Variants in PALM2AKAP2 observed in about 807,000 individuals in gnomAD.
PALM2AKAP2 encodes the protein PALM2-AKAP2 fusion protein.
In PALM2AKAP2, 37 loss-of-function variants were observed where a neutral mutation model predicts 71.5. That is an observed-to-expected ratio of 0.52 (90% confidence interval 0.40 to 0.68). The LOEUF is 0.68. PALM2AKAP2 is among the 30% of genes least tolerant of loss of function. PALM2AKAP2 has a pLI of 0.00. For synonymous variants in PALM2AKAP2, 468 were observed against 478.8 expected, an observed-to-expected ratio of 0.98 and a Z score of 0.29; for missense variants, 1,224 against 1,191.8, an observed-to-expected ratio of 1.03 and a Z score of -0.40.
At chr9:109,857,918 A>G (rs1281642514) in intron 1 of PALM2AKAP2, among the ~76,000 whole-genome samples, 1 of 152,220 alleles carries the variant, frequency 6.6e-6, no homozygotes, top group Admixed American at 6.5e-5. Context: ...TACCACTACC[A>G]TCATTGGGAT....
chr9:110,095,645 A>G (rs1318335811), intron 1 of PALM2AKAP2, among the ~76,000 whole-genome samples: 1 of 152,190 alleles, frequency 6.6e-6, no homozygotes, highest in East Asian at 1.9e-4. Context: ...CAAAGCAAGT[A>G]GGAGACGGGG....
At chr9:110,097,559 G>C (rs564478450) in intron 1 of PALM2AKAP2, among the ~76,000 whole-genome samples, 12 of 150,798 alleles carry the variant, frequency 8.0e-5, no homozygotes, top group Admixed American at 6.6e-4. Flanking sequence ...CATCTCAGGC[G>C]ATGGGTGGCC....
intron 6 of PALM2AKAP2, among the ~76,000 whole-genome samples, chr9:109,960,431 T>G (rs1831832817): frequency 6.6e-6 from 1 of 152,196 alleles, no homozygotes; most frequent in South Asian, 2.1e-4. Context: ...AGTAGTTGAC[T>G]TTCACCCTGA....
intron 7 of PALM2AKAP2, among the ~76,000 whole-genome samples, chr9:110,023,193 C>T (rs929620808): frequency 3.3e-5 from 5 of 151,644 alleles, no homozygotes; most frequent in African/African-American, 1.2e-4. Context: ...ACAGTCCCAC[C>T]AACAGTGTAA....
intron 3 of PALM2AKAP2, among the ~76,000 whole-genome samples, chr9:110,159,473 A>G (rs2119238300): frequency 6.6e-6 from 1 of 152,296 alleles, no homozygotes; most frequent in South Asian, 2.1e-4. Flanking sequence ...GAACACAACC[A>G]TGTGTTTGCC....
At chr9:109,653,009 G>A (rs1300883256) in intron 1 of PALM2AKAP2, among the ~76,000 whole-genome samples, 1 of 152,178 alleles carries the variant, frequency 6.6e-6, no homozygotes, top group East Asian at 1.9e-4. Flanking sequence ...GTTTGGACTA[G>A]TCATCTTACA....
rs529559061 is a variant in PALM2AKAP2 at position 109,652,559 on chromosome 9, T to C, written c.5+11693T>C. On this transcript the variant is annotated intron_variant, in intron 1 of 6. Coordinates refer to the PALM2AKAP2 transcript ENST00000374531. ...TTACCTAGTCTCCAGTATTTCTTTA[T>C]AGCAATGCAAAAACAGACTAATACA... 9.2e-5 allele frequency among the ~76,000 whole-genome samples: 14 copies of C among 152,354 alleles called. No homozygotes were observed. The South Asian group carries it at 2.9e-3, about 32-fold the overall frequency.
chr9:110,000,771 G>A (rs566712246), intron 6 of PALM2AKAP2, among the ~76,000 whole-genome samples: 6 of 152,292 alleles, frequency 3.9e-5, no homozygotes, highest in Middle Eastern at 3.4e-3. Flanking sequence ...CAGTGATGAT[G>A]AGCATTTTTT....
At chr9:110,019,498 C>T (rs527364783) in intron 7 of PALM2AKAP2, among the ~76,000 whole-genome samples, 1 of 152,178 alleles carries the variant, frequency 6.6e-6, no homozygotes, top group African/African-American at 2.4e-5. Flanking sequence ...CACTCACACT[C>T]ATGTTTTCTG....
chr9:110,096,952 ATTTAT>A (rs936065884), intron 1 of PALM2AKAP2, among the ~76,000 whole-genome samples: 13 of 123,414 alleles, frequency 1.1e-4, no homozygotes, highest in African/African-American at 4.2e-4. Flanking sequence ...TTATTTATTT[ATTTAT>A]TTATTATTTT....
intron 1 of PALM2AKAP2, among the ~76,000 whole-genome samples, chr9:110,095,011 G>A (rs1453714055): frequency 1.3e-5 from 2 of 152,176 alleles, no homozygotes; most frequent in Non-Finnish European, 2.9e-5. Flanking sequence ...CCTCACTTCT[G>A]ACCATTACAT....
At chr9:109,992,573 C>T (rs1832504564) in intron 6 of PALM2AKAP2, among the ~76,000 whole-genome samples, 1 of 152,134 alleles carries the variant, frequency 6.6e-6, no homozygotes, top group Non-Finnish European at 1.5e-5. Flanking sequence ...CATGCACCAA[C>T]ACAACCAGCT....
rs1836207373 is a variant in PALM2AKAP2, at chr9:110,147,561, AGACCAGAAG to A, written c.2570-8757_2570-8749del. Among the ~76,000 whole-genome samples, 3 of 152,310 alleles carry A rather than the reference AGACCAGAAG, an allele frequency of 2.0e-5. No homozygotes were observed. In the South Asian group the frequency reaches 6.2e-4, roughly 32 times the overall value. ...AAAAAGCTTAGAGGCTGATCGCTTG[AGACCAGAAG>A]TTCAAGACCAACCTGGGCAATATAG... On this transcript the variant is annotated intron_variant, in intron 2 of 3. Transcript: ENST00000374525.
chr9:109,670,183 T>C (rs949187847), intron 1 of PALM2AKAP2, among the ~76,000 whole-genome samples: 4 of 152,154 alleles, frequency 2.6e-5, no homozygotes, highest in African/African-American at 9.7e-5. Flanking sequence ...ACTTGTGTCA[T>C]GGGAGTTTGT....
chr9:109,664,370 G>A (rs937543621), intron 1 of PALM2AKAP2, among the ~76,000 whole-genome samples: 1 of 152,150 alleles, frequency 6.6e-6, no homozygotes, highest in African/African-American at 2.4e-5. Context: ...AGGAGCTCTT[G>A]TAAGGCAGGC....
chr9:109,699,396 A>T (rs1344379794), intron 1 of PALM2AKAP2, among the ~76,000 whole-genome samples: 1 of 152,242 alleles, frequency 6.6e-6, no homozygotes, highest in Non-Finnish European at 1.5e-5. Context: ...AGAATTTTAT[A>T]TTGAGGGAAT....
At chr9:109,853,624 A>G (rs942424431) in intron 1 of PALM2AKAP2, among the ~76,000 whole-genome samples, 26 of 152,246 alleles carry the variant, frequency 1.7e-4, no homozygotes, top group African/African-American at 6.0e-4. Flanking sequence ...GCTCATTGGC[A>G]TAATTTCCCC....
At chr9:109,655,134 A>G (rs1827281427) in intron 1 of PALM2AKAP2, among the ~76,000 whole-genome samples, 1 of 151,952 alleles carries the variant, frequency 6.6e-6, no homozygotes, top group Non-Finnish European at 1.5e-5. Context: ...TCTCTACTAA[A>G]AGTACAAAAA....
chr9:110,025,149 A>T lies in PALM2AKAP2; in HGVS notation c.582+9110A>T, dbSNP rs1833153156. 5 of 1,359,496 alleles carry T rather than the reference A, an allele frequency of 3.7e-6. No individual in the cohort carries two copies. In the East Asian group the frequency reaches 1.1e-4, roughly 31 times the overall value. The allele number at this position is 1,359,496 out of a possible 1,614,324, so 84.2% of individuals were successfully genotyped here. A position where few individuals can be genotyped will look rare whatever the true frequency, so the allele number is the denominator to read the frequency against. On this transcript the variant is annotated intron_variant, in intron 7 of 9. Transcript: ENST00000302798. ...CTTGTTTGTTTACAATACCAACAGC[A>T]TGCTGGGTAACATTGTAGACTCTTC...
Sources: allele counts gnomAD v4.1 joint callset (sites outside exome capture counted in the v4.1 genomes callset), GRCh38; gene constraint gnomAD v4.1.1; transcripts MANE v1.5; gene names NCBI Gene and HGNC (gene_info 2026-07-23, HGNC 2026-07-21).